SUSD6: variants seen among roughly 807,000 people sequenced by gnomAD.
SUSD6 encodes the protein sushi domain-containing protein 6.
Under a neutral mutation model 28.4 loss-of-function variants are expected in SUSD6, and 16 were observed. The ratio of observed to expected loss-of-function variants is 0.56; its 90% CI spans 0.38 to 0.86. SUSD6 has a LOEUF of 0.86. Among genes scored for constraint, SUSD6 ranks in the 40% least tolerant of loss-of-function variants. The probability of loss-of-function intolerance (pLI) is 0.00; values close to 1 mark genes in which losing one functional copy is unlikely to be tolerated. For missense variants in SUSD6, 341 were observed against 384.2 expected (o/e 0.89, Z 0.94); for synonymous variants, 147 against 159.6 (o/e 0.92, Z 0.59).
chr14:69,641,485 A>G (rs957210999), intron 1 of SUSD6, among the ~76,000 whole-genome samples: 3 of 152,022 alleles, frequency 2.0e-5, no homozygotes, highest in African/African-American at 7.3e-5. Context: ...TTGCAAATTT[A>G]CTATTTTTTT....
chr14:69,621,881 A>G (rs1476530720), intron 1 of SUSD6, among the ~76,000 whole-genome samples: 1 of 152,198 alleles, frequency 6.6e-6, no homozygotes, highest in African/African-American at 2.4e-5. Context: ...AAATGCTGAC[A>G]TGCTTTTCTC....
At chr14:69,640,081 G>T (rs7141232) in intron 1 of SUSD6, among the ~76,000 whole-genome samples, 1 of 150,930 alleles carries the variant, frequency 6.6e-6, no homozygotes, top group Admixed American at 6.6e-5. Flanking sequence ...GTGGGGGAGG[G>T]AGGAACCACG....
At chr14:69,646,698 A>ATTT (rs1566594288) in intron 1 of SUSD6, among the ~76,000 whole-genome samples, 4 of 58,278 alleles carry the variant, frequency 6.9e-5, no homozygotes, top group Admixed American at 4.9e-4. Flanking sequence ...TTTTTTTTCC[A>ATTT]TCTTTTTTTT....
chr14:69,619,682 G>T (rs928720601), intron 1 of SUSD6, among the ~76,000 whole-genome samples: 14 of 152,032 alleles, frequency 9.2e-5, no homozygotes, highest in Admixed American at 5.9e-4. Context: ...GAAGTTGGGG[G>T]ATCGCTTGAG....
At chr14:69,649,320 C>T (rs1595041604) in intron 1 of SUSD6, among the ~76,000 whole-genome samples, 1 of 152,112 alleles carries the variant, frequency 6.6e-6, no homozygotes, top group Non-Finnish European at 1.5e-5. Flanking sequence ...TTTAGCAAAT[C>T]GGCTTCCCGG....
At chr14:69,682,258 G>A (rs1290213873) in intron 2 of SUSD6, among the ~76,000 whole-genome samples, 2 of 152,096 alleles carry the variant, frequency 1.3e-5, no homozygotes, top group Admixed American at 6.5e-5. Flanking sequence ...GATCTTTTGA[G>A]CCCAGGAGTT....
At chr14:69,625,452 G>A (rs143924477) in intron 1 of SUSD6, among the ~76,000 whole-genome samples, 173 of 152,310 alleles carry the variant, frequency 1.1e-3, no homozygotes, top group African/African-American at 4.0e-3. Flanking sequence ...CGGGGCTGAC[G>A]CCTACATGGT....
chr14:69,705,526 G>A (rs965019446), intron 4 of SUSD6, among the ~76,000 whole-genome samples: 1 of 152,118 alleles, frequency 6.6e-6, no homozygotes, highest in African/African-American at 2.4e-5. Flanking sequence ...ACTTAAGTTT[G>A]TGAGCCACTA....
intron 1 of SUSD6, among the ~76,000 whole-genome samples, chr14:69,631,437 T>A (rs969624967): frequency 6.6e-6 from 1 of 152,266 alleles, no homozygotes; most frequent in Non-Finnish European, 1.5e-5. Context: ...TATCTTGGTC[T>A]CATCACTTTC....
At chr14:69,654,957 G>A (rs1885559839) in intron 1 of SUSD6, among the ~76,000 whole-genome samples, 1 of 151,798 alleles carries the variant, frequency 6.6e-6, no homozygotes, top group African/African-American at 2.4e-5. Context: ...ACCACACCTG[G>A]CTAATTTTTG....
At chr14:69,639,313 C>CAAAAAAAAAAA (rs57837741) in intron 1 of SUSD6, among the ~76,000 whole-genome samples, 2 of 54,588 alleles carry the variant, frequency 3.7e-5, no homozygotes, top group African/African-American at 8.3e-5. Context: ...GACTCCGTCT[C>CAAAAAAAAAAA]AAAAAAAAAA....
chr14:69,666,422 T>C, intron 2 of SUSD6, among the ~76,000 whole-genome samples: 1 of 152,212 alleles, frequency 6.6e-6, no homozygotes, highest in East Asian at 1.9e-4. Flanking sequence ...ATATTAAATA[T>C]GAGAATGCCA....
At chr14:69,626,302 A>G (rs904286880) in intron 1 of SUSD6, among the ~76,000 whole-genome samples, 1 of 152,032 alleles carries the variant, frequency 6.6e-6, no homozygotes, top group Non-Finnish European at 1.5e-5. Flanking sequence ...ACCTTCCCAC[A>G]TGTGCCCTGC....
At chr14:69,664,343 A>G (rs1261162615) in intron 2 of SUSD6, among the ~76,000 whole-genome samples, 2 of 152,130 alleles carry the variant, frequency 1.3e-5, no homozygotes, top group African/African-American at 2.4e-5. Flanking sequence ...GTTTAGGCAC[A>G]AGGTTTGCCA....
intron 4 of SUSD6, 43 bp from the exon 5 acceptor site, chr14:69,708,634 G>T (rs754783580): frequency 4.9e-5 from 72 of 1,461,718 alleles, no homozygotes; most frequent in Non-Finnish European, 6.6e-5. Context: ...TTCTCTGTGT[G>T]TTTATTCTAA....
intron 1 of SUSD6, among the ~76,000 whole-genome samples, chr14:69,620,770 T>C (rs2139590899): frequency 6.6e-6 from 1 of 152,356 alleles, no homozygotes; most frequent in South Asian, 2.1e-4. Flanking sequence ...TCTTGCTTTA[T>C]TTAATCAACT....
At chr14:69,613,866 G>A (rs1323340453) in intron 1 of SUSD6, among the ~76,000 whole-genome samples, 1 of 152,182 alleles carries the variant, frequency 6.6e-6, no homozygotes, top group African/African-American at 2.4e-5. Context: ...TAAACCCTGA[G>A]AGCAAACCCA....
At chr14:69,710,053 A>G (rs1271573312) in intron 5 of SUSD6, among the ~76,000 whole-genome samples, 1 of 152,260 alleles carries the variant, frequency 6.6e-6, no homozygotes, top group African/African-American at 2.4e-5. Flanking sequence ...CTTCCTGGTT[A>G]TCAACATCTT....
chr14:69,696,865 T>A (rs544217530), intron 2 of SUSD6, among the ~76,000 whole-genome samples: 1 of 152,150 alleles, frequency 6.6e-6, no homozygotes. Flanking sequence ...CAAGAAAGAA[T>A]TCAGGGCGAG....
Sources: allele counts gnomAD v4.1 joint callset (sites outside exome capture counted in the v4.1 genomes callset), GRCh38; gene constraint gnomAD v4.1.1; transcripts MANE v1.5; gene names NCBI Gene and HGNC (gene_info 2026-07-23, HGNC 2026-07-21).